ABCB4: variants seen among roughly 807,000 people sequenced by gnomAD.
The protein encoded by ABCB4 is phosphatidylcholine translocator ABCB4.
Under a neutral mutation model 145.7 loss-of-function variants are expected in ABCB4, and 76 were observed. That is an observed-to-expected ratio of 0.52 (90% CI 0.43 to 0.63). The LOEUF (loss-of-function observed/expected upper bound fraction) is 0.63. Ranked by LOEUF, ABCB4 falls within the 30% of genes least tolerant of loss-of-function variation. ABCB4 has a pLI of 0.00. For missense variants in ABCB4, 1,234 were observed against 1,553.1 expected, an observed-to-expected ratio of 0.79 and a Z score of 3.45; for synonymous variants, 517 against 566.8, an observed-to-expected ratio of 0.91 and a Z score of 1.25.
chr7:87,397,791 A>G (rs547184225), downstream of ABCB4, among the ~76,000 whole-genome samples: 1 of 152,324 alleles, frequency 6.6e-6, no homozygotes, highest in South Asian at 2.1e-4. Context: ...CATGTTGAAG[A>G]CATAATTTAC....
intron 3 of ABCB4, among the ~76,000 whole-genome samples, chr7:87,464,885 C>T (rs1468493253): frequency 2.0e-5 from 3 of 152,174 alleles, no homozygotes; most frequent in Non-Finnish European, 2.9e-5. Flanking sequence ...TTAAAACCAG[C>T]TTTCAGAGGC....
the ABCB4 span, among the ~76,000 whole-genome samples, chr7:87,370,308 A>G: frequency 1.3e-5 from 2 of 152,036 alleles, no homozygotes; most frequent in African/African-American, 4.8e-5. Context: ...TCAGCCTCCC[A>G]AGTAGCTAGG....
At chr7:87,417,161 C>T in intron 21 of ABCB4, 151 bp downstream of exon 21, 1 of 760,404 alleles carries the variant, frequency 1.3e-6, no homozygotes, top group South Asian at 1.7e-5. Context: ...GACATTAATA[C>T]AGTAAAATAT....
chr7:87,391,562 A>C, the ABCB4 span: 1 of 1,579,660 alleles, frequency 6.3e-7, no homozygotes, highest in African/African-American at 1.4e-5. Flanking sequence ...CTTTCTTATG[A>C]TACACTCTTT....
At chr7:87,384,837 T>C in the ABCB4 span, among the ~76,000 whole-genome samples, 1 of 152,240 alleles carries the variant, frequency 6.6e-6, no homozygotes, top group East Asian at 1.9e-4. Context: ...AGTAGTTTTA[T>C]AGTTTCAGGT....
At chr7:87,416,048 C>T (rs1483616612) in intron 21 of ABCB4, among the ~76,000 whole-genome samples, 2 of 152,156 alleles carry the variant, frequency 1.3e-5, no homozygotes, top group African/African-American at 2.4e-5. Context: ...TCTTCAAGAA[C>T]TCTAGACACC....
At chr7:87,378,389 T>C in the ABCB4 span, among the ~76,000 whole-genome samples, 1 of 151,200 alleles carries the variant, frequency 6.6e-6, no homozygotes, top group African/African-American at 2.4e-5. Context: ...TTAATCCATA[T>C]TCAGGTTTAG....
At chr7:87,382,622 T>C in the ABCB4 span, 1 of 1,431,862 alleles carries the variant, frequency 7.0e-7, no homozygotes, top group Non-Finnish European at 9.4e-7. Context: ...TCATCCTAAC[T>C]CCTCAGTATT....
chr7:87,449,493 G>A (rs576922930), intron 8 of ABCB4, among the ~76,000 whole-genome samples: 3 of 150,782 alleles, frequency 2.0e-5, no homozygotes, highest in African/African-American at 7.3e-5. Flanking sequence ...TATCATCCAG[G>A]CTGGAGTTCA....
chr7:87,440,902 G>A (rs912089799), intron 12 of ABCB4, among the ~76,000 whole-genome samples: 1 of 151,876 alleles, frequency 6.6e-6, no homozygotes, highest in Non-Finnish European at 1.5e-5. Flanking sequence ...CACCATGCCC[G>A]GCTAATTTTC....
intron 26 of ABCB4, among the ~76,000 whole-genome samples, chr7:87,405,585 C>G (rs1808129722): frequency 6.6e-6 from 1 of 152,018 alleles, no homozygotes; most frequent in South Asian, 2.1e-4. Flanking sequence ...CACCACGACG[C>G]CTGGTTGATT....
chr7:87,443,936 G>A (rs1402375262), intron 10 of ABCB4, among the ~76,000 whole-genome samples, 163 bp from the exon 11 acceptor site: 1 of 152,170 alleles, frequency 6.6e-6, no homozygotes, highest in Non-Finnish European at 1.5e-5. Context: ...TATGTGTGCT[G>A]TTTAAAGAAA....
chr7:87,468,055 C>T (rs989677131), intron 3 of ABCB4, among the ~76,000 whole-genome samples: 53 of 152,106 alleles, frequency 3.5e-4, no homozygotes, highest in African/African-American at 1.2e-3. Flanking sequence ...CAGAGCAGAA[C>T]TGAAGGAGAT....
chr7:87,384,329 T>C, the ABCB4 span, among the ~76,000 whole-genome samples: 34 of 152,062 alleles, frequency 2.2e-4, no homozygotes, highest in African/African-American at 8.0e-4. Context: ...GTCAGGAGTT[T>C]GAGACCAGCC....
chr7:87,434,313 G>C (rs1810461134), intron 14 of ABCB4, among the ~76,000 whole-genome samples: 1 of 151,876 alleles, frequency 6.6e-6, no homozygotes, highest in Admixed American at 6.6e-5. Flanking sequence ...GTATGAAACT[G>C]TATTGCCTTT....
In ABCB4 at chr7:87,453,087, G is replaced by A. The variant is rs1245293710; in HGVS notation, c.393C>T (p.Ala131=). The change falls in exon 6 of 28, where the codon GCC becomes GCT. Residue 131 remains alanine, a synonymous_variant. Transcript: ENST00000649586. ...SGLGAGVLVA[A]YIQVSFWTLA... is the part of the protein sequence containing the mutation. ...AAGTCCAAAATGAAACTTGTATATA[G>A]GCAGCAACAAGAACTCCAGCACCCA... 2 of 1,613,876 alleles carry A rather than the reference G, an allele frequency of 1.2e-6. No individual in the cohort carries two copies. The highest frequency in any genetic ancestry group is 1.7e-6 in the Non-Finnish European group (2 of 1,179,988).
intron 12 of ABCB4, 131 bp from the exon 13 acceptor site, chr7:87,440,533 C>T: frequency 1.4e-6 from 1 of 731,496 alleles, no homozygotes; most frequent in Non-Finnish European, 2.2e-6. Flanking sequence ...TAGAAATAAA[C>T]AGCAATATGC....
chr7:87,446,868 T>G (rs1287849330), intron 9 of ABCB4, among the ~76,000 whole-genome samples, 166 bp downstream of exon 9: 1 of 152,216 alleles, frequency 6.6e-6, no homozygotes, highest in East Asian at 1.9e-4. Flanking sequence ...ATGACTTGTA[T>G]ATACTAGAAA....
chr7:87,402,257 T>G lies in ABCB4; in HGVS notation c.3679A>C (p.Ile1227Leu), dbSNP rs371227397. 4 of 1,614,110 alleles carry G rather than the reference T, an allele frequency of 2.5e-6. No homozygotes were observed. The highest frequency in any genetic ancestry group is 2.5e-6 in the Non-Finnish European group (3 of 1,179,966). Residue 1227 changes from isoleucine to leucine, a missense_variant, in exon 28 of 28, where the codon ATT becomes CTT. Ile to Leu is a conservative substitution (Grantham distance 5, BLOSUM62 2). Transcript: ENST00000649586. ...LDKAREGRTC[I>L]VIAHRLSTIQ... The stretch of plus-strand genomic sequence containing the variant: ...GTGGACAGGCGGTGAGCAATCACAA[T>G]GCAGGTGCGGCCTTCTCTGGCTTTG...
Sources: gnomAD v4.1 joint callset for allele counts (sites outside exome capture counted in the v4.1 genomes callset) on GRCh38, gnomAD v4.1.1 for gene constraint, MANE v1.5 for transcripts, NCBI Gene and HGNC (gene_info 2026-07-23, HGNC 2026-07-21) for gene names.